The following C14orf39 variants were observed in gnomAD, a reference collection of about 807,000 sequenced individuals.
The protein encoded by C14orf39 is chromosome 14 open reading frame 39.
A neutral mutation model predicts 85.6 loss-of-function variants in C14orf39; 66 were observed. That is an observed-to-expected ratio of 0.77 (90% CI 0.63 to 0.95). The LOEUF is 0.95. Among genes scored for constraint, C14orf39 ranks in the 40% least tolerant of loss-of-function variants. The pLI is 0.00. For missense variants in C14orf39, 735 were observed against 663.9 expected, an observed-to-expected ratio of 1.11 and a Z score of -1.18; for synonymous variants, 242 against 214.0, an observed-to-expected ratio of 1.13 and a Z score of -1.14.
chr14:60,469,494 A>G (rs1055352556), intron 8 of C14orf39, 39 bp downstream of exon 8: 1 of 923,586 alleles, frequency 1.1e-6, no homozygotes, highest in Non-Finnish European at 1.5e-6. Context: ...ATACTTATAC[A>G]TTAATACACA....
At chr14:60,483,033 G>A (rs1355986833) in intron 4 of C14orf39, among the ~76,000 whole-genome samples, 1 of 151,854 alleles carries the variant, frequency 6.6e-6, no homozygotes, top group Admixed American at 6.6e-5. Flanking sequence ...CACCATATAT[G>A]TGTATATTGC....
chr14:60,510,085 C>G, intron 1 of C14orf39: 4 of 969,404 alleles, frequency 4.1e-6, no homozygotes, highest in Non-Finnish European at 6.4e-6. Flanking sequence ...GTTGGGAGCG[C>G]GGTCTGTCTT....
intron 5 of C14orf39, among the ~76,000 whole-genome samples, chr14:60,473,878 C>T (rs1254754417): frequency 1.3e-5 from 2 of 152,126 alleles, no homozygotes; most frequent in African/African-American, 4.8e-5. Flanking sequence ...ATTGACTAGG[C>T]AATGCAGGCT....
intron 1 of C14orf39, among the ~76,000 whole-genome samples, chr14:60,514,005 G>A (rs950455177): frequency 6.6e-6 from 1 of 152,268 alleles, no homozygotes; most frequent in African/African-American, 2.4e-5. Context: ...GAATCTTAAG[G>A]GGGTGACACA....
At chr14:60,438,042 G>A (rs1223869252) in intron 17 of C14orf39, among the ~76,000 whole-genome samples, 1 of 151,470 alleles carries the variant, frequency 6.6e-6, no homozygotes, top group East Asian at 1.9e-4. Flanking sequence ...AATCAAATAT[G>A]TACTTGAAAC....
intron 4 of C14orf39, among the ~76,000 whole-genome samples, chr14:60,481,298 T>C (rs1445927446): frequency 3.3e-5 from 5 of 152,170 alleles, no homozygotes; most frequent in Admixed American, 2.6e-4. Flanking sequence ...TGGTTGTACA[T>C]TACATCTTTG....
rs114644048 is a variant in C14orf39, at chr14:60,456,966, G to C, written c.1309C>G (p.Pro437Ala). ...FLGTPKAVKA[P>A]ESLEKIKFPK... Reference sequence around the variant, plus strand: ...AATTTTATTTTCTCCAATGACTCAGGTGCTTTCACAGCTTTGGGAGTTCCT... The same window carrying C: ...AATTTTATTTTCTCCAATGACTCAGCTGCTTTCACAGCTTTGGGAGTTCCT... Residue 437 changes from proline (P) to alanine (A), a missense_variant, in exon 15 of 18, where the codon CCT (proline) becomes GCT (alanine). Coordinates refer to ENST00000321731, the MANE Select transcript of C14orf39 (RefSeq NM_174978.3). The C allele has an allele frequency of 1.9e-6, 3 of 1,605,070 alleles. No homozygotes were observed. Among genetic ancestry groups the C allele is most frequent in the Non-Finnish European group, 2.5e-6 (3 of 1,176,836 alleles).
chr14:60,482,757 T>C (rs898054603), intron 4 of C14orf39, among the ~76,000 whole-genome samples: 4 of 152,170 alleles, frequency 2.6e-5, no homozygotes, highest in Admixed American at 6.5e-5. Context: ...TTAAAAAGAA[T>C]GAAATATATA....
In C14orf39 at chr14:60,444,454, T is replaced by C. The variant is rs761417568; in HGVS notation, c.1504-2323A>G. Among the ~76,000 whole-genome samples the C allele has an allele frequency of 2.6e-5, 4 of 152,100 alleles. No individual in the cohort carries two copies. The East Asian group carries it at 5.8e-4, about 22-fold the overall frequency. On this transcript the variant is annotated intron_variant, in intron 16 of 17. Transcript: ENST00000321731. ...TAAGTGGAAGAAAGGATATCAGTGA[T>C]TGAAGATCAAATTAATGAAATAAAG...
chr14:60,450,449 G>A (rs1890979872), intron 16 of C14orf39, among the ~76,000 whole-genome samples: 1 of 152,190 alleles, frequency 6.6e-6, no homozygotes, highest in Admixed American at 6.5e-5. Context: ...AGGGAGGGAA[G>A]AGCAGGAAGG....
At position 60,509,698 on chromosome 14, in the gene C14orf39, G is replaced by A. The variant is rs1277630352; in HGVS notation, c.-144+5697C>T. 2 of 1,614,012 alleles carry A rather than the reference G, an allele frequency of 1.2e-6. No homozygotes were observed. The highest frequency in any genetic ancestry group is 2.2e-5 in the East Asian group (1 of 44,884). ...TTGAAGCACACTACCAGGAGGCTGAGAAGCTGCGTGGAAGACCCCTGGGAC... is the reference window on the plus strand; with the variant it reads ...TTGAAGCACACTACCAGGAGGCTGAAAAGCTGCGTGGAAGACCCCTGGGAC... On this transcript the variant is annotated intron_variant, in intron 1 of 5. Transcript: ENST00000556799.
intron 8 of C14orf39, 65 bp from the exon 9 acceptor site, chr14:60,468,601 TTTATC>T (rs1891912466): frequency 9.1e-6 from 8 of 877,856 alleles, no homozygotes; most frequent in African/African-American, 1.8e-5. Context: ...AAAGATATGC[TTTATC>T]TTATGTTTTT....
intron 1 of C14orf39, among the ~76,000 whole-genome samples, chr14:60,505,192 T>C (rs903459656): frequency 4.6e-5 from 7 of 152,214 alleles, no homozygotes; most frequent in African/African-American, 1.7e-4. Flanking sequence ...TGTTCTTTGT[T>C]ACAAGGTGCA....
chr14:60,479,176 T>C lies in C14orf39; in HGVS notation c.234-787A>G, dbSNP rs181132227. Among the ~76,000 whole-genome samples, 62 of 152,304 alleles carry C rather than the reference T, an allele frequency of 4.1e-4. No homozygotes were observed. In the East Asian group the frequency reaches 0.011, roughly 26 times the overall value. On this transcript the variant is annotated intron_variant, in intron 4 of 17. Transcript: ENST00000321731. The stretch of plus-strand genomic sequence containing the variant: ...ATTGTTTTAATAAATTGTTTCCAGA[T>C]GTTACTATAATTATACATTTTAACA...
rs1216548928 is a variant in C14orf39 at position 60,494,143 on chromosome 14, G to T, written c.-9+5153C>A. On this transcript the variant is annotated intron_variant, in intron 2 of 5. Coordinates refer to the C14orf39 transcript ENST00000556799. ...GGGTCCACATTCATCAAAGGGGCCA[G>T]AATTTCCTTGGGAAACATTTCTGAG... The T allele has an allele frequency of 1.6e-5, 5 of 320,090 alleles. No homozygotes were observed. The East Asian group carries it at 3.6e-4, about 23-fold the overall frequency. The allele number at this position is 320,090 out of a possible 1,614,324, so 19.8% of individuals were successfully genotyped here.
intron 13 of C14orf39, among the ~76,000 whole-genome samples, chr14:60,460,756 GA>G (rs942043740): frequency 6.6e-6 from 1 of 151,730 alleles, no homozygotes; most frequent in African/African-American, 2.4e-5. Context: ...AAAGCTAGAT[GA>G]CTTGGGGATG....
intron 16 of C14orf39, among the ~76,000 whole-genome samples, chr14:60,444,989 AT>A: frequency 6.6e-6 from 1 of 152,224 alleles, no homozygotes; most frequent in Non-Finnish European, 1.5e-5. Context: ...TGAAGGAGAA[AT>A]AAAATACTTT....
At chr14:60,455,352 T>C (rs1378123730) in intron 15 of C14orf39, among the ~76,000 whole-genome samples, 5 of 152,054 alleles carry the variant, frequency 3.3e-5, no homozygotes, top group Admixed American at 2.6e-4. Flanking sequence ...AACTTACTTA[T>C]TCTTCACAAG....
chr14:60,468,204 G>A (rs1891890006), intron 9 of C14orf39, among the ~76,000 whole-genome samples: 1 of 151,680 alleles, frequency 6.6e-6, no homozygotes, highest in Non-Finnish European at 1.5e-5. Flanking sequence ...CAGCAGATGT[G>A]CTGCTGCTAC....
Sources: gnomAD v4.1 joint callset for allele counts (sites outside exome capture counted in the v4.1 genomes callset) on GRCh38, gnomAD v4.1.1 for gene constraint, MANE v1.5 for transcripts, NCBI Gene and HGNC (gene_info 2026-07-23, HGNC 2026-07-21) for gene names.